The following TMEM201 variants were observed in gnomAD, a reference collection of about 807,000 sequenced individuals.
TMEM201 encodes the protein RP13-15M17.2.
A neutral mutation model predicts 63.4 loss-of-function variants in TMEM201; 26 were observed. That is an observed-to-expected ratio of 0.41 (90% CI 0.30 to 0.57). TMEM201 has a LOEUF of 0.57. Among genes scored for constraint, TMEM201 ranks in the 20% least tolerant of loss-of-function variants. The probability of loss-of-function intolerance (pLI) is 0.29; values close to 1 mark genes in which losing one functional copy is unlikely to be tolerated. For missense variants in TMEM201, 794 were observed against 917.7 expected (o/e 0.87, Z 1.74); for synonymous variants, 417 against 421.6 (o/e 0.99, Z 0.14).
chr1:9,597,849 C>T (rs1026261029), intron 3 of TMEM201, among the ~76,000 whole-genome samples: 4 of 152,242 alleles, frequency 2.6e-5, no homozygotes, highest in Admixed American at 2.6e-4. Flanking sequence ...CAAGGGATCA[C>T]ACTCCTGACC....
intron 1 of TMEM201, among the ~76,000 whole-genome samples, chr1:9,589,898 T>C (rs1643891593): frequency 6.6e-6 from 1 of 152,188 alleles, no homozygotes; most frequent in Non-Finnish European, 1.5e-5. Flanking sequence ...GCTCACACCC[T>C]TAGGAAAAAG....
At chr1:9,594,485 G>A (rs369370974) in intron 1 of TMEM201, among the ~76,000 whole-genome samples, 73 of 152,278 alleles carry the variant, frequency 4.8e-4, no homozygotes, top group South Asian at 2.3e-3. Context: ...GCTTTTTTGC[G>A]TACATACTCT....
intron 5 of TMEM201, 28 bp from the exon 6 acceptor site, chr1:9,602,041 T>TG (rs768709101): frequency 2.5e-6 from 4 of 1,604,342 alleles, no homozygotes; most frequent in Non-Finnish European, 3.4e-6. Flanking sequence ...TGTCCTCCCC[T>TG]GGGGTGACCC....
chr1:9,610,914 C>A lies in TMEM201; in HGVS notation c.1765+109C>A. The A allele has an allele frequency of 1.3e-6, 2 of 1,489,778 alleles. No individual in the cohort carries two copies. Among genetic ancestry groups the A allele is most frequent in the Non-Finnish European group, 1.8e-6 (2 of 1,113,028 alleles). 92.3% of individuals were successfully genotyped at this position (1,489,778 alleles called of 1,614,324 possible). A position where few individuals can be genotyped will look rare whatever the true frequency, so the allele number is the denominator to read the frequency against. On this transcript the variant is annotated intron_variant, in intron 9 of 10. Coordinates refer to ENST00000340381, the MANE Select transcript of TMEM201 (RefSeq NM_001130924.3). This position sits in a 1 kb window ranked among gnomAD's most constrained non-coding sequence, Gnocchi z 4.9. The stretch of plus-strand genomic sequence containing the variant: ...TCCTTGCTCTGACTCCGGTGTGCGC[C>A]TTCCCACCCTGGAGCTCTAGGCACC...
Position 9,613,015 on chromosome 1 carries a change from C to G in TMEM201, c.1933C>G (p.Leu645Val). The G allele has an allele frequency of 1.3e-6, 2 of 1,551,552 alleles. No individual in the cohort carries two copies. Among genetic ancestry groups the G allele is most frequent in the Non-Finnish European group, 1.7e-6 (2 of 1,146,952 alleles). The stretch of plus-strand genomic sequence containing the variant: ...TTTCGGCCCTTCCCTGGTCCGGGGC[C>G]TCCTGGCCGTGAGCTTGGCCGCCAA... ...GRFGPSLVRGLLAVSLAANAL... is the reference protein window; with the variant it reads ...GRFGPSLVRGVLAVSLAANAL... The change falls in exon 11 of 11, where the codon CTC becomes GTC. Residue 645 changes from leucine (L) to valine (V), a missense_variant. Coordinates refer to ENST00000340381, the MANE Select transcript of TMEM201 (RefSeq NM_001130924.3).
intron 1 of TMEM201, among the ~76,000 whole-genome samples, chr1:9,594,294 C>T (rs949928889): frequency 6.6e-5 from 10 of 152,190 alleles, no homozygotes; most frequent in Admixed American, 3.9e-4. Flanking sequence ...CAAGATGCAG[C>T]GGTCCTTGTC....
rs971103191 is a variant in TMEM201, at chr1:9,598,727, G to A, written c.606+102G>A. ...AGTGACCAGAGGGTAGCTCTTCAGA[G>A]CTGAGCCCCTTTATTTTTATTTTAT... On this transcript the variant is annotated intron_variant, in intron 4 of 10. Transcript: ENST00000340381. 85 of 1,134,286 alleles carry A rather than the reference G, an allele frequency of 7.5e-5. 3 individuals are homozygous for A. The highest frequency in any genetic ancestry group is 4.9e-6 in the Non-Finnish European group (4 of 814,002). The allele number at this position is 1,134,286 out of a possible 1,614,324, so 70.3% of individuals were successfully genotyped here.
intron 1 of TMEM201, among the ~76,000 whole-genome samples, chr1:9,591,964 G>A (rs964617660): frequency 2.6e-5 from 4 of 152,344 alleles, no homozygotes; most frequent in East Asian, 1.9e-4. Context: ...CTGGGAGGTC[G>A]TCGTTCTTGT....
intron 1 of TMEM201, among the ~76,000 whole-genome samples, chr1:9,591,299 T>C (rs1464062387): frequency 1.3e-5 from 2 of 152,246 alleles, no homozygotes; most frequent in East Asian, 1.9e-4. Context: ...GAGGTTGGGC[T>C]ACCTGCCCCA....
chr1:9,592,230 A>G (rs1219738511), intron 1 of TMEM201, among the ~76,000 whole-genome samples: 2 of 152,236 alleles, frequency 1.3e-5, no homozygotes, highest in African/African-American at 4.8e-5. Flanking sequence ...TTCTGGTTGA[A>G]TGAAACACGG....
intron 1 of TMEM201, among the ~76,000 whole-genome samples, chr1:9,591,186 G>A (rs557952792): frequency 1.1e-3 from 169 of 152,352 alleles, no homozygotes; most frequent in Non-Finnish European, 2.0e-3. Flanking sequence ...TTACTGATGG[G>A]AGCAGCTGAT....
rs185509026 is a variant in TMEM201, at chr1:9,595,357, C to T, written c.114-533C>T. 2.4e-3 allele frequency among the ~76,000 whole-genome samples: 362 copies of T among 152,348 alleles called. 3 individuals are homozygous for T. The highest frequency in any genetic ancestry group is 8.2e-3 in the African/African-American group (342 of 41,578). On this transcript the variant is annotated intron_variant, in intron 1 of 10. Transcript: ENST00000340381. ...CTCCCCTCAGCCTCCTTGGCTCTCA[C>T]ATCCTGGGACTGTCTCTCTCTGGAG...
At chr1:9,594,948 A>G (rs1238623785) in intron 1 of TMEM201, among the ~76,000 whole-genome samples, 2 of 152,230 alleles carry the variant, frequency 1.3e-5, no homozygotes, top group Non-Finnish European at 2.9e-5. Context: ...CCGTCTGTGC[A>G]GGGAGTGGCT....
chr1:9,601,073 C>T, intron 4 of TMEM201, 32 bp from the exon 5 acceptor site: 1 of 1,550,384 alleles, frequency 6.5e-7, no homozygotes, highest in Admixed American at 1.8e-5. Context: ...CTGTGGCCGT[C>T]TCACTAACCC....
chr1:9,595,835 T>C, intron 1 of TMEM201, 55 bp from the exon 2 acceptor site: 2 of 1,606,942 alleles, frequency 1.2e-6, no homozygotes, highest in Non-Finnish European at 1.7e-6. Context: ...TGGAGGTCCC[T>C]CTCCAGCAGG....
chr1:9,595,817 G>A, intron 1 of TMEM201, 73 bp from the exon 2 acceptor site: 3 of 1,596,698 alleles, frequency 1.9e-6, no homozygotes, highest in Non-Finnish European at 2.6e-6. Context: ...TGGCCCTGGG[G>A]CAGGGCATGG....
At position 9,610,419 on chromosome 1, in the gene TMEM201, G is replaced by A; in HGVS notation, c.1466-87G>A. Reference sequence around the variant, plus strand: ...CCTTTCCTGTCTTCCCGGGTTAATAGAAGAATGCCCCCAGAAATGAAATAG... The same window carrying A: ...CCTTTCCTGTCTTCCCGGGTTAATAAAAGAATGCCCCCAGAAATGAAATAG... On this transcript the variant is annotated intron_variant, in intron 8 of 10. Coordinates refer to ENST00000340381, the MANE Select transcript of TMEM201 (RefSeq NM_001130924.3). The surrounding 1 kb of genome is among the most constrained non-coding windows in gnomAD (Gnocchi z 4.9). 3.1e-6 allele frequency: 4 copies of A among 1,308,290 alleles called. No individual in the cohort carries two copies. Among genetic ancestry groups the A allele is most frequent in the Non-Finnish European group, 4.1e-6 (4 of 978,042 alleles). 81.0% of individuals were successfully genotyped at this position (1,308,290 alleles called of 1,614,324 possible). A position where few individuals can be genotyped will look rare whatever the true frequency, so the allele number is the denominator to read the frequency against.
intron 4 of TMEM201, among the ~76,000 whole-genome samples, chr1:9,600,037 A>G (rs1644106403): frequency 6.6e-6 from 1 of 152,192 alleles, no homozygotes; most frequent in African/African-American, 2.4e-5. Context: ...GAGAGGGTCC[A>G]CCTGGTGCCT....
chr1:9,607,487 C>T lies in TMEM201; in HGVS notation c.1161-70C>T, dbSNP rs1644262357. The T allele has an allele frequency of 3.2e-6, 4 of 1,247,716 alleles. No homozygotes were observed. The Admixed American group carries it at 8.8e-5, about 27-fold the overall frequency. The allele number at this position is 1,247,716 out of a possible 1,614,324, so 77.3% of individuals were successfully genotyped here. A position where few individuals can be genotyped will look rare whatever the true frequency, so the allele number is the denominator to read the frequency against. On this transcript the variant is annotated intron_variant, in intron 6 of 10. Coordinates refer to ENST00000340381, the MANE Select transcript of TMEM201 (RefSeq NM_001130924.3). The surrounding 1 kb of genome is among the most constrained non-coding windows in gnomAD (Gnocchi z 5.4). ...TTGCACTGTGGGAGAGGGGTGGGAC[C>T]CACTGCAAGGCTGCCTCCAGGACCT... is the stretch of plus-strand genomic sequence containing the variant.
Sources: allele counts gnomAD v4.1 joint callset (sites outside exome capture counted in the v4.1 genomes callset), GRCh38; gene constraint gnomAD v4.1.1; non-coding constraint Gnocchi (gnomAD v3.1); transcripts MANE v1.5; gene names NCBI Gene and HGNC (gene_info 2026-07-23, HGNC 2026-07-21).